Variants in MFSD1 observed in about 807,000 individuals in gnomAD.
MFSD1 encodes the protein lysosomal dipeptide transporter MFSD1.
MFSD1 carries 59 observed loss-of-function variants against 67.1 expected under a neutral mutation model. The observed-to-expected ratio is 0.88, with a 90% CI of 0.71 to 1.09. MFSD1 has a LOEUF of 1.09. Among genes scored for constraint, MFSD1 ranks in the 50% least tolerant of loss-of-function variants. The pLI, the probability that MFSD1 is intolerant of heterozygous loss-of-function variation, is 0.00. For missense variants in MFSD1, 552 were observed against 566.1 expected (o/e 0.97, Z 0.25); for synonymous variants, 213 against 200.3 (o/e 1.06, Z -0.54).
chr3:158,805,411 C>T lies in MFSD1; in HGVS notation c.266C>T (p.Ser89Phe), dbSNP rs761711352. 1.9e-6 allele frequency: 3 copies of T among 1,614,014 alleles called. No homozygotes were observed. The change falls in exon 3 of 16, where the codon TCT becomes TTT. Residue 89 changes from serine (S) to phenylalanine (F), a missense_variant. Coordinates refer to ENST00000415822, the MANE Select transcript of MFSD1 (RefSeq NM_022736.4). ...TKFMLLYAWY[S>F]WPNVVLCFFG... ...TTCATGCTGCTGTATGCCTGGTATT[C>T]TTGGCCCAATGTAGTTTTGTGTTTC...
intron 3 of MFSD1, 36 bp downstream of exon 3, chr3:158,805,510 T>G: frequency 7.1e-7 from 1 of 1,418,236 alleles, no homozygotes; most frequent in Non-Finnish European, 1.0e-6. Context: ...AAATCTTACC[T>G]GATTGTTAGA....
chr3:158,816,254 G>A (rs1210519562), intron 7 of MFSD1, among the ~76,000 whole-genome samples: 5 of 152,168 alleles, frequency 3.3e-5, no homozygotes, highest in Non-Finnish European at 5.9e-5. Flanking sequence ...GGTTGAACTA[G>A]TTTACAGACC....
chr3:158,823,498 A>T lies in MFSD1; in HGVS notation c.1148A>T (p.Glu383Val). 6.8e-6 allele frequency: 11 copies of T among 1,613,086 alleles called. No homozygotes were observed. Among genetic ancestry groups the T allele is most frequent in the Non-Finnish European group, 9.3e-6 (11 of 1,179,090 alleles). ...CCAATGGTGGCATTTGTAGTTCCTGAACATCAGCTGGGAACTGCATATGGC... is the reference window on the plus strand; with the variant it reads ...CCAATGGTGGCATTTGTAGTTCCTGTACATCAGCTGGGAACTGCATATGGC... ...LWPMVAFVVP[E>V]HQLGTAYGFM... Residue 383 changes from glutamate (E) to valine (V), a missense_variant, in exon 12 of 16, where the codon GAA becomes GTA. By Grantham distance (121) the Glu-to-Val change is moderately radical. Coordinates refer to ENST00000415822, the MANE Select transcript of MFSD1 (RefSeq NM_022736.4).
chr3:158,814,446 G>A (rs1305496452), intron 7 of MFSD1, among the ~76,000 whole-genome samples: 3 of 151,834 alleles, frequency 2.0e-5, no homozygotes, highest in East Asian at 1.9e-4. Flanking sequence ...TCAGCCTCCC[G>A]AGTAGCTGGG....
At chr3:158,810,621 A>C (rs1235391366) in intron 6 of MFSD1, among the ~76,000 whole-genome samples, 2 of 152,086 alleles carry the variant, frequency 1.3e-5, no homozygotes, top group Non-Finnish European at 2.9e-5. Context: ...CTAGGAATGG[A>C]ATTATTAAGT....
rs758929631 is a variant in MFSD1, at chr3:158,809,165, T to C, written c.441-14T>C. On this transcript the variant is annotated splice_polypyrimidine_tract_variant and intron_variant, in intron 5 of 15. Coordinates refer to ENST00000415822, the MANE Select transcript of MFSD1 (RefSeq NM_022736.4). Reference sequence around the variant, plus strand: ...GTTGTGACTTCTGGTTTTTTTTTTTTTTTCTATTTTTAGGATTGGTGGCGA... The same window carrying C: ...GTTGTGACTTCTGGTTTTTTTTTTTCTTTCTATTTTTAGGATTGGTGGCGA... The C allele has an allele frequency of 1.0e-5, 16 of 1,543,720 alleles. No homozygotes were observed. Among genetic ancestry groups the C allele is most frequent in the Middle Eastern group, 1.8e-4 (1 of 5,556 alleles).
intron 7 of MFSD1, among the ~76,000 whole-genome samples, chr3:158,819,393 T>G (rs116448623): frequency 0.013 from 2,028 of 152,340 alleles, 43 homozygotes; most frequent in African/African-American, 0.047. Context: ...AGACTAGTTT[T>G]TTCTAGTCTT....
At chr3:158,823,156 G>A in intron 11 of MFSD1, 1 of 378,656 alleles carries the variant, frequency 2.6e-6, no homozygotes, top group Non-Finnish European at 4.9e-6. Flanking sequence ...CTTGGTCCTT[G>A]ACTGCATCTT....
chr3:158,805,252 TACAGAA>T (rs1406315600), intron 2 of MFSD1, 104 bp from the exon 3 acceptor site: 2 of 895,412 alleles, frequency 2.2e-6, no homozygotes, highest in Non-Finnish European at 3.7e-6. Flanking sequence ...ACTTGCCCTT[TACAGAA>T]AGAAGAATGT....
At chr3:158,823,288 C>G (rs41272627) in intron 11 of MFSD1, 140 bp from the exon 12 acceptor site, 2 of 651,302 alleles carry the variant, frequency 3.1e-6, no homozygotes, top group Admixed American at 4.7e-5. Flanking sequence ...ATTTTGAATA[C>G]GAATTTTAGC....
At chr3:158,825,349 G>C (rs2108236369) in intron 13 of MFSD1, 1 of 152,246 alleles carries the variant, frequency 6.6e-6, no homozygotes, top group South Asian at 2.1e-4. Context: ...TTGTGAAGAT[G>C]CTGTCTCACT....
rs768684802 is a variant in MFSD1 at position 158,802,167 on chromosome 3, T to TG, written c.16dup (p.Glu6GlyfsTer12). 3.8e-5 allele frequency: 62 copies of TG among 1,612,558 alleles called. No homozygotes were observed. Among genetic ancestry groups the TG allele is most frequent in the Admixed American group, 6.7e-5 (4 of 59,926 alleles). On this transcript the variant is annotated frameshift_variant, in exon 1 of 16. Transcript: ENST00000415822. LOFTEE classifies it high-confidence loss of function. ...CTGCGGGCGCAATGGAGGAGGAGGA[T>TG]GAGGAAGCGCGGGCGCTCCTGGCAG...
chr3:158,816,058 G>A (rs1730321010), intron 7 of MFSD1, among the ~76,000 whole-genome samples: 1 of 151,848 alleles, frequency 6.6e-6, no homozygotes, highest in African/African-American at 2.4e-5. Flanking sequence ...TATCATTGTT[G>A]GACATTTGGG....
intron 4 of MFSD1, 32 bp downstream of exon 4, chr3:158,807,114 G>A (rs747915636): frequency 2.5e-6 from 4 of 1,574,360 alleles, no homozygotes; most frequent in Non-Finnish European, 8.7e-7. Flanking sequence ...ATTGATTATT[G>A]ACAGTGACTT....
intron 3 of MFSD1, 80 bp from the exon 4 acceptor site, chr3:158,806,960 A>C: frequency 8.4e-7 from 1 of 1,195,374 alleles, no homozygotes; most frequent in Non-Finnish European, 1.2e-6. Flanking sequence ...CTTTGTGATT[A>C]CTAATACTAA....
At chr3:158,821,731 A>G (rs1730686697) in intron 10 of MFSD1, 78 bp downstream of exon 10, 2 of 1,271,334 alleles carry the variant, frequency 1.6e-6, no homozygotes, top group Non-Finnish European at 2.3e-6. Context: ...AAAGAAGCAA[A>G]AAAGATGTAT....
At chr3:158,818,016 G>A (rs914802019) in intron 7 of MFSD1, among the ~76,000 whole-genome samples, 1 of 152,094 alleles carries the variant, frequency 6.6e-6, no homozygotes, top group Non-Finnish European at 1.5e-5. Flanking sequence ...TGGCTCCATG[G>A]TGCTAGTTGC....
At chr3:158,818,620 C>T (rs1407420982) in intron 7 of MFSD1, among the ~76,000 whole-genome samples, 1 of 151,994 alleles carries the variant, frequency 6.6e-6, no homozygotes, top group East Asian at 1.9e-4. Flanking sequence ...TAGTATTTGT[C>T]TTTCTGTGTT....
intron 4 of MFSD1, 21 bp downstream of exon 4, chr3:158,807,103 CATTG>C: frequency 6.2e-7 from 1 of 1,600,144 alleles, no homozygotes; most frequent in Non-Finnish European, 8.6e-7. Context: ...CCAAAACATT[CATTG>C]ATTATTGACA....
Sources: gnomAD v4.1 joint callset for allele counts (sites outside exome capture counted in the v4.1 genomes callset) on GRCh38, gnomAD v4.1.1 for gene constraint, MANE v1.5 for transcripts, NCBI Gene and HGNC (gene_info 2026-07-23, HGNC 2026-07-21) for gene names.